The following ZNF804B variants were observed in gnomAD, a reference collection of about 807,000 sequenced individuals.
The protein encoded by ZNF804B is zinc finger protein 804B, also known as zinc finger 804B.
ZNF804B carries 80 observed loss-of-function variants against 101.4 expected under a neutral mutation model. That is an observed-to-expected ratio of 0.79 (90% CI 0.66 to 0.95). The LOEUF is 0.95. Among genes scored for constraint, ZNF804B ranks in the 40% least tolerant of loss-of-function variants. The probability of loss-of-function intolerance (pLI) is 0.00; values close to 1 mark genes in which losing one functional copy is unlikely to be tolerated. For synonymous variants in ZNF804B, 622 were observed against 558.8 expected, an observed-to-expected ratio of 1.11 and a Z score of -1.59; for missense variants, 1,673 against 1,561.9, an observed-to-expected ratio of 1.07 and a Z score of -1.20.
At chr7:89,020,574 T>C (rs2116213841) in intron 1 of ZNF804B, among the ~76,000 whole-genome samples, 1 of 152,286 alleles carries the variant, frequency 6.6e-6, no homozygotes, top group Non-Finnish European at 1.5e-5. Context: ...TTTGTAATCC[T>C]TGAGCTTTCT....
intron 1 of ZNF804B, among the ~76,000 whole-genome samples, chr7:88,767,793 T>C (rs1215643633): frequency 1.3e-5 from 2 of 152,264 alleles, no homozygotes; most frequent in Non-Finnish European, 2.9e-5. Context: ...TGTCCACTTA[T>C]ACTGAAGAGT....
At chr7:88,833,321 G>C (rs1458260262) in intron 1 of ZNF804B, among the ~76,000 whole-genome samples, 2 of 152,006 alleles carry the variant, frequency 1.3e-5, no homozygotes, top group African/African-American at 4.8e-5. Flanking sequence ...GTGAGAATTT[G>C]AGGAAATTAC....
At chr7:88,865,259 C>T (rs1583984465) in intron 1 of ZNF804B, among the ~76,000 whole-genome samples, 3 of 149,206 alleles carry the variant, frequency 2.0e-5, no homozygotes, top group African/African-American at 7.4e-5. Flanking sequence ...AGACCAGTTA[C>T]GGTGGCTTAC....
intron 2 of ZNF804B, among the ~76,000 whole-genome samples, chr7:89,230,612 A>C (rs1273129016): frequency 6.6e-6 from 1 of 152,108 alleles, no homozygotes; most frequent in Non-Finnish European, 1.5e-5. Flanking sequence ...AAATCCCAGA[A>C]ATAGACATGC....
At chr7:88,897,158 C>T (rs1031523333) in intron 1 of ZNF804B, among the ~76,000 whole-genome samples, 3 of 152,110 alleles carry the variant, frequency 2.0e-5, no homozygotes, top group Non-Finnish European at 2.9e-5. Context: ...TGTTACCTTA[C>T]GTAGCATAAG....
intron 1 of ZNF804B, among the ~76,000 whole-genome samples, chr7:88,761,547 A>G (rs2519937): frequency 0.38 from 57,790 of 152,030 alleles, 13,696 homozygotes; most frequent in African/African-American, 0.68. Flanking sequence ...GTGCCAGGAG[A>G]ATCTTTCTTA....
intron 1 of ZNF804B, among the ~76,000 whole-genome samples, chr7:89,086,917 C>T (rs1034516339): frequency 2.6e-5 from 4 of 151,718 alleles, no homozygotes; most frequent in Non-Finnish European, 5.9e-5. Context: ...ACCAACATGG[C>T]ACATGTATAC....
At chr7:88,872,159 T>C (rs192896453) in intron 1 of ZNF804B, among the ~76,000 whole-genome samples, 57 of 152,342 alleles carry the variant, frequency 3.7e-4, no homozygotes, top group African/African-American at 1.3e-3. Flanking sequence ...GTGTATCTTA[T>C]TTATTGAAAT....
intron 1 of ZNF804B, among the ~76,000 whole-genome samples, chr7:89,067,345 G>C (rs61314728): frequency 0.022 from 3,336 of 152,222 alleles, 152 homozygotes; most frequent in African/African-American, 0.076. Flanking sequence ...TTACTTGATT[G>C]AGTTAGGCCC....
intron 2 of ZNF804B, among the ~76,000 whole-genome samples, chr7:89,273,802 C>T (rs1416872406): frequency 1.3e-5 from 2 of 152,084 alleles, no homozygotes; most frequent in Non-Finnish European, 1.5e-5. Context: ...TTTCCTAGGC[C>T]ATCAGCATTT....
At chr7:89,117,201 T>G (rs1363753967) in intron 1 of ZNF804B, among the ~76,000 whole-genome samples, 1 of 152,156 alleles carries the variant, frequency 6.6e-6, no homozygotes, top group African/African-American at 2.4e-5. Context: ...TTTGGCCAAG[T>G]GATACTGTTT....
chr7:88,866,906 A>C (rs1338288383), intron 1 of ZNF804B, among the ~76,000 whole-genome samples: 1 of 152,228 alleles, frequency 6.6e-6, no homozygotes, highest in Non-Finnish European at 1.5e-5. Context: ...AATTGATTAC[A>C]GTCAAGCCTG....
chr7:89,083,151 A>G (rs1789722115), intron 1 of ZNF804B, among the ~76,000 whole-genome samples: 1 of 151,814 alleles, frequency 6.6e-6, no homozygotes, highest in Non-Finnish European at 1.5e-5. Context: ...TTTAAAGAAG[A>G]AACTATGTTT....
chr7:89,194,432 T>C (rs1386980442), intron 1 of ZNF804B, among the ~76,000 whole-genome samples: 1 of 150,596 alleles, frequency 6.6e-6, no homozygotes, highest in Non-Finnish European at 1.5e-5. Context: ...CTTCTAGGGT[T>C]TTTATGATTT....
chr7:89,233,205 C>T (rs1262429559), intron 2 of ZNF804B, among the ~76,000 whole-genome samples: 3 of 152,130 alleles, frequency 2.0e-5, no homozygotes, highest in Non-Finnish European at 2.9e-5. Flanking sequence ...GGATTACAGG[C>T]GTGAGCCACC....
intron 1 of ZNF804B, among the ~76,000 whole-genome samples, chr7:89,186,787 C>G (rs1352777754): frequency 2.0e-5 from 3 of 152,030 alleles, no homozygotes; most frequent in African/African-American, 7.2e-5. Flanking sequence ...AAAAAGAAAA[C>G]AAAATACTTG....
rs545228087 is a variant in ZNF804B, at chr7:89,042,147, A to AGGAGATGGAC, written c.109-176007_109-175998dup. Among the ~76,000 whole-genome samples, 97 of 152,322 alleles carry AGGAGATGGAC rather than the reference A, an allele frequency of 6.4e-4. 2 individuals are homozygous for AGGAGATGGAC. The East Asian group carries it at 0.017, about 27-fold the overall frequency. The stretch of plus-strand genomic sequence containing the variant: ...TTCTAGCTCTGGAACCAGACAGAGA[A>AGGAGATGGAC]GGAGATGGACATGAGTCTCAGCTTT... On this transcript the variant is annotated intron_variant, in intron 1 of 3. Coordinates refer to ENST00000333190, the MANE Select transcript of ZNF804B (RefSeq NM_181646.5).
At chr7:88,771,148 A>G (rs1018455622) in intron 1 of ZNF804B, among the ~76,000 whole-genome samples, 1 of 152,132 alleles carries the variant, frequency 6.6e-6, no homozygotes, top group Non-Finnish European at 1.5e-5. Context: ...AGAAAAATCA[A>G]ATCATTTTAA....
chr7:89,298,846 A>G (rs1196610000), intron 2 of ZNF804B, among the ~76,000 whole-genome samples: 1 of 151,974 alleles, frequency 6.6e-6, no homozygotes, highest in Admixed American at 6.6e-5. Flanking sequence ...TCCATATTAC[A>G]TCCCTACCAG....
Sources: gnomAD v4.1 joint callset for allele counts (sites outside exome capture counted in the v4.1 genomes callset) on GRCh38, gnomAD v4.1.1 for gene constraint, MANE v1.5 for transcripts, NCBI Gene and HGNC (gene_info 2026-07-23, HGNC 2026-07-21) for gene names.